Variants in ACER2 observed in about 807,000 individuals in gnomAD.
The protein encoded by ACER2 is alkaline ceramidase 2, also known as alkCDase 2.
ACER2 carries 26 observed loss-of-function variants against 34.7 expected under a neutral mutation model. The ratio of observed to expected loss-of-function variants is 0.75; its 90% CI spans 0.55 to 1.04. ACER2 has a LOEUF of 1.04. Among genes scored for constraint, ACER2 ranks in the 50% least tolerant of loss-of-function variants. ACER2 has a pLI of 0.00. For missense variants in ACER2, 352 were observed against 340.8 expected (o/e 1.03, Z -0.26); for synonymous variants, 138 against 132.1 (o/e 1.04, Z -0.31).
rs1019248697 is a variant in ACER2, at chr9:19,430,782, A to G, written c.366-4165A>G. On this transcript the variant is annotated intron_variant, in intron 3 of 5. Transcript: ENST00000340967. The stretch of plus-strand genomic sequence containing the variant: ...AGACTAGCCTGGCCAGCATGGTGAA[A>G]CCCCATCTCTACTAAAAATACATAA... Among the ~76,000 whole-genome samples, 7 of 151,962 alleles carry G rather than the reference A, an allele frequency of 4.6e-5. 1 individual carries two copies. The highest frequency in any genetic ancestry group is 2.9e-5 in the Non-Finnish European group (2 of 67,988).
chr9:19,436,315 A>G (rs932558983), intron 4 of ACER2, among the ~76,000 whole-genome samples: 1 of 152,322 alleles, frequency 6.6e-6, no homozygotes, highest in African/African-American at 2.4e-5. Context: ...TTAAAAAACT[A>G]ATTTTATCAA....
Position 19,434,938 on chromosome 9 carries a change from T to C in ACER2, c.366-9T>C, listed in dbSNP as rs1830910791. On this transcript the variant is annotated splice_polypyrimidine_tract_variant and intron_variant, in intron 3 of 5. Transcript: ENST00000340967. ...TCTAATGGATTTGGTTTTGCTTTCA[T>C]GGATTCAGGGGTAGGTTCAAGGTGG... 1 of 1,613,072 alleles carries C rather than the reference T, an allele frequency of 6.2e-7. No homozygotes were observed. The highest frequency in any genetic ancestry group is 8.5e-7 in the Non-Finnish European group (1 of 1,179,940).
At chr9:19,435,644 C>T (rs977379521) in intron 4 of ACER2, among the ~76,000 whole-genome samples, 25 of 151,552 alleles carry the variant, frequency 1.6e-4, no homozygotes, top group African/African-American at 6.1e-4. Flanking sequence ...CCCAGCTACT[C>T]AGGAGGCTGA....
At chr9:19,434,600 G>A (rs568227597) in intron 3 of ACER2, among the ~76,000 whole-genome samples, 3 of 152,350 alleles carry the variant, frequency 2.0e-5, no homozygotes, top group East Asian at 3.9e-4. Flanking sequence ...GCGAAACCCC[G>A]TCTCCACCAA....
chr9:19,436,435 A>G (rs1446017090), intron 4 of ACER2, among the ~76,000 whole-genome samples: 2 of 152,242 alleles, frequency 1.3e-5, no homozygotes, highest in Non-Finnish European at 2.9e-5. Flanking sequence ...CATAGTTTTT[A>G]TGTACTAAAT....
At chr9:19,442,456 GCTT>G (rs1831185544) in intron 4 of ACER2, among the ~76,000 whole-genome samples, 1 of 152,238 alleles carries the variant, frequency 6.6e-6, no homozygotes, top group African/African-American at 2.4e-5. Context: ...AGCAGGATCT[GCTT>G]CTTCTAGAAG....
intron 3 of ACER2, among the ~76,000 whole-genome samples, chr9:19,428,981 G>T (rs771864509): frequency 6.6e-6 from 1 of 151,572 alleles, no homozygotes; most frequent in African/African-American, 2.4e-5. Flanking sequence ...GTAGAGACAG[G>T]GTTTCACCAG....
At chr9:19,412,986 G>A (rs753567714) in intron 1 of ACER2, among the ~76,000 whole-genome samples, 31 of 152,116 alleles carry the variant, frequency 2.0e-4, no homozygotes, top group South Asian at 6.2e-4. Context: ...ATGTACTTTC[G>A]CAAGCACTAA....
At chr9:19,449,268 C>A (rs1372337029) in intron 5 of ACER2, among the ~76,000 whole-genome samples, 1 of 152,174 alleles carries the variant, frequency 6.6e-6, no homozygotes, top group Non-Finnish European at 1.5e-5. Context: ...ATACATTGAA[C>A]CCCCATATAG....
intron 1 of ACER2, chr9:19,410,005 T>C (rs932739946): frequency 2.1e-5 from 19 of 890,874 alleles, no homozygotes; most frequent in East Asian, 1.2e-4. Context: ...TCTTATTTTG[T>C]GTATGTCCAT....
At chr9:19,434,666 C>G (rs539718733) in intron 3 of ACER2, among the ~76,000 whole-genome samples, 6 of 152,312 alleles carry the variant, frequency 3.9e-5, no homozygotes, top group South Asian at 2.1e-4. Context: ...GCAGGCACTC[C>G]GCAGGCTGAG....
At chr9:19,443,726 A>G (rs1371872936) in intron 4 of ACER2, among the ~76,000 whole-genome samples, 1 of 151,930 alleles carries the variant, frequency 6.6e-6, no homozygotes, top group African/African-American at 2.4e-5. Context: ...GTGCGATCTC[A>G]GCTCTCTGCA....
At chr9:19,438,367 CTG>C (rs1224726081) in intron 4 of ACER2, among the ~76,000 whole-genome samples, 1 of 152,160 alleles carries the variant, frequency 6.6e-6, no homozygotes, top group African/African-American at 2.4e-5. Flanking sequence ...CCTATTGTAT[CTG>C]TTTTTTAGGG....
rs559601185 is a variant in ACER2 at position 19,432,561 on chromosome 9, T to G, written c.366-2386T>G. Among the ~76,000 whole-genome samples, 910 of 143,036 alleles carry G rather than the reference T, an allele frequency of 6.4e-3. 10 individuals carry two copies. The highest frequency in any genetic ancestry group is 0.022 in the African/African-American group (861 of 38,438). 93.8% of individuals were successfully genotyped at this position (143,036 alleles called of 152,430 possible). ...AAACCTATATATATATGTGTGTGTGTGTGGGTGTATGTGTGTGTATATATA... is the reference window on the plus strand; with the variant it reads ...AAACCTATATATATATGTGTGTGTGGGTGGGTGTATGTGTGTGTATATATA... On this transcript the variant is annotated intron_variant, in intron 3 of 5. Coordinates refer to ENST00000340967, the MANE Select transcript of ACER2 (RefSeq NM_001010887.3).
chr9:19,417,860 G>T lies in ACER2; in HGVS notation c.109-6002G>T, dbSNP rs138571347. 1.7e-3 allele frequency among the ~76,000 whole-genome samples: 263 copies of T among 152,256 alleles called. 1 individual carries two copies. Among genetic ancestry groups the T allele is most frequent in the African/African-American group, 5.8e-3 (240 of 41,560 alleles). ...AACAAAAGCCAAAATTGACAAATGA[G>T]CTCTAATTAAACTAAAGAGCTTCTG... is the stretch of plus-strand genomic sequence containing the variant. On this transcript the variant is annotated intron_variant, in intron 1 of 5. Transcript: ENST00000340967.
At chr9:19,434,796 C>G (rs546809001) in intron 3 of ACER2, 151 bp from the exon 4 acceptor site, 2 of 944,084 alleles carry the variant, frequency 2.1e-6, no homozygotes, top group Admixed American at 4.8e-5. Context: ...CTCGCTCTGT[C>G]GCCGTGAGTG....
In ACER2 at chr9:19,446,336, C is replaced by T; in HGVS notation, c.559C>T (p.Leu187=). The change falls in exon 5 of 6, where the codon CTG becomes TTG. Residue 187 remains leucine (L), a synonymous_variant. Transcript: ENST00000340967. ...CCTCTTCTCGGGCCTCTGGTGGACC[C>T]TGGCCCTGTTCTGCTGGATCAGTGA... ...LGLFSGLWWT[L]ALFCWISDRA... is the part of the protein sequence containing the mutation. 1.2e-6 allele frequency: 2 copies of T among 1,614,190 alleles called. No homozygotes were observed. The highest frequency in any genetic ancestry group is 1.7e-6 in the Non-Finnish European group (2 of 1,180,044).
intron 3 of ACER2, among the ~76,000 whole-genome samples, chr9:19,434,016 C>T (rs528900459): frequency 0.014 from 1,998 of 146,816 alleles, 30 homozygotes; most frequent in African/African-American, 0.049. Context: ...ACTTCTCAGA[C>T]GGGGCGGCTG....
chr9:19,434,336 C>G (rs1330132829), intron 3 of ACER2, among the ~76,000 whole-genome samples: 2 of 152,094 alleles, frequency 1.3e-5, no homozygotes, highest in African/African-American at 4.8e-5. Context: ...CGATGGCCGG[C>G]CAGGCAGAGA....
Sources: allele counts gnomAD v4.1 joint callset (sites outside exome capture counted in the v4.1 genomes callset), GRCh38; gene constraint gnomAD v4.1.1; transcripts MANE v1.5; gene names NCBI Gene and HGNC (gene_info 2026-07-23, HGNC 2026-07-21).